Variants in LMLN observed in about 807,000 individuals in gnomAD.
LMLN encodes the protein leishmanolysin like peptidase, also known as leishmanolysin-like peptidase.
In LMLN, 70 loss-of-function variants were observed where a neutral mutation model predicts 92.3. That is an observed-to-expected ratio of 0.76 (90% CI 0.63 to 0.92). LMLN has a LOEUF of 0.92. Among genes scored for constraint, LMLN ranks in the 40% least tolerant of loss-of-function variants. LMLN has a pLI of 0.00. For synonymous variants in LMLN, 308 were observed against 296.2 expected, an observed-to-expected ratio of 1.04 and a Z score of -0.41; for missense variants, 691 against 814.6, an observed-to-expected ratio of 0.85 and a Z score of 1.85.
rs28686773 is a variant in LMLN at position 198,014,410 on chromosome 3, G to C, written c.1233-4843G>C. Reference sequence around the variant, plus strand: ...TGTATCCTTCAGAGCCCCCTAACTAGTCTGACTTCTCTCCACCCTTCAGAG... The same window carrying C: ...TGTATCCTTCAGAGCCCCCTAACTACTCTGACTTCTCTCCACCCTTCAGAG... On this transcript the variant is annotated intron_variant, in intron 11 of 15. Transcript: ENST00000330198. 9.2e-3 allele frequency among the ~76,000 whole-genome samples: 980 copies of C among 106,226 alleles called. 8 individuals are homozygous for C. Among genetic ancestry groups the C allele is most frequent in the African/African-American group, 0.038 (898 of 23,668 alleles). 69.7% of individuals were successfully genotyped at this position (106,226 alleles called of 152,430 possible). A position where few individuals can be genotyped will look rare whatever the true frequency, so the allele number is the denominator to read the frequency against.
intron 8 of LMLN, among the ~76,000 whole-genome samples, chr3:197,987,158 A>AT (rs772089146): frequency 0.013 from 1,045 of 77,602 alleles, 16 homozygotes; most frequent in East Asian, 0.071. Flanking sequence ...ATATGTTTGA[A>AT]TTTTTTTTTT....
chr3:197,984,132 T>A, intron 7 of LMLN, 84 bp downstream of exon 7: 1 of 813,744 alleles, frequency 1.2e-6, no homozygotes. Context: ...TATTCCACTT[T>A]AAGATGATGT....
At chr3:197,972,507 T>C (rs1186814679) in intron 1 of LMLN, among the ~76,000 whole-genome samples, 1 of 152,236 alleles carries the variant, frequency 6.6e-6, no homozygotes, top group Non-Finnish European at 1.5e-5. Context: ...TTTAAGTTCC[T>C]GAACACATTT....
At position 198,024,619 on chromosome 3, in the gene LMLN, A is replaced by G. The variant is rs1279724563; in HGVS notation, c.1526-39A>G. On this transcript the variant is annotated intron_variant, in intron 13 of 15. Transcript: ENST00000330198. The stretch of plus-strand genomic sequence containing the variant: ...GTTCAGTTTCTTGTTCTTTGAGCCA[A>G]AAGTCAATTTTTAAGGAGACTTTTC... 4 of 1,519,640 alleles carry G rather than the reference A, an allele frequency of 2.6e-6. No homozygotes were observed. The East Asian group carries it at 7.3e-5, about 28-fold the overall frequency. 94.1% of individuals were successfully genotyped at this position (1,519,640 alleles called of 1,614,324 possible). A position where few individuals can be genotyped will look rare whatever the true frequency, so the allele number is the denominator to read the frequency against.
chr3:197,962,646 ATCT>A (rs1299212783), intron 1 of LMLN, among the ~76,000 whole-genome samples: 1 of 152,172 alleles, frequency 6.6e-6, no homozygotes. Context: ...TTTCTAAGAA[ATCT>A]TTAAATACCC....
intron 14 of LMLN, among the ~76,000 whole-genome samples, chr3:198,027,767 C>T (rs1001441101): frequency 3.3e-5 from 5 of 152,168 alleles, no homozygotes; most frequent in African/African-American, 1.2e-4. Context: ...AGTTGATGGA[C>T]ACTTAGGTCG....
intron 8 of LMLN, among the ~76,000 whole-genome samples, chr3:197,988,173 G>A (rs1008314200): frequency 2.0e-5 from 3 of 148,372 alleles, no homozygotes; most frequent in Non-Finnish European, 3.0e-5. Flanking sequence ...TTTTTGAGAT[G>A]GAGTCTCACT....
chr3:198,029,182 C>T (rs1158995668), intron 14 of LMLN, among the ~76,000 whole-genome samples: 3 of 152,190 alleles, frequency 2.0e-5, no homozygotes, highest in African/African-American at 7.2e-5. Flanking sequence ...CTTTAGATTA[C>T]TCTCCTATTG....
chr3:198,011,327 T>C (rs1485185077), intron 11 of LMLN, among the ~76,000 whole-genome samples: 1 of 151,836 alleles, frequency 6.6e-6, no homozygotes, highest in East Asian at 1.9e-4. Context: ...CCTGTGTCCA[T>C]GTGTTCTCAT....
intron 11 of LMLN, among the ~76,000 whole-genome samples, chr3:198,003,474 A>T (rs1357382307): frequency 6.6e-6 from 1 of 152,144 alleles, no homozygotes; most frequent in Admixed American, 6.6e-5. Context: ...GCAAATATTG[A>T]TTCAGTATCA....
chr3:198,042,488 G>T lies in LMLN; in HGVS notation c.*3821G>T, dbSNP rs1209365644. On this transcript the variant is annotated 3_prime_UTR_variant, in exon 16 of 16. Transcript: ENST00000330198. The surrounding 1 kb of genome is among the most constrained non-coding windows in gnomAD (Gnocchi z 4.2). Reference sequence around the variant, plus strand: ...GCTGCAAAGTGAAGAAATTGAAATGGCCCACACGTTGATATCCTGTGGCAG... The same window carrying T: ...GCTGCAAAGTGAAGAAATTGAAATGTCCCACACGTTGATATCCTGTGGCAG... 6.6e-6 allele frequency: 1 copy of T among 152,138 alleles called. No homozygotes were observed. The highest frequency in any genetic ancestry group is 1.5e-5 in the Non-Finnish European group (1 of 68,016). The allele number at this position is 152,138 out of a possible 1,614,324, so 9.4% of individuals were successfully genotyped here.
chr3:197,962,222 T>G (rs1720923297), intron 1 of LMLN, among the ~76,000 whole-genome samples: 1 of 152,170 alleles, frequency 6.6e-6, no homozygotes. Context: ...CTTCGTGTAT[T>G]GAATGGAATT....
Position 197,986,581 on chromosome 3 carries a change from G to T in LMLN, c.929+691G>T, listed in dbSNP as rs1319909148. Among the ~76,000 whole-genome samples the T allele has an allele frequency of 7.2e-5, 11 of 152,320 alleles. No individual in the cohort carries two copies. In the East Asian group the frequency reaches 1.9e-3, roughly 27 times the overall value. ...GGGGAAACTGTTAATCTTGAAGTAT[G>T]AATGATAAAGAGAGATTGGAGTGAT... On this transcript the variant is annotated intron_variant, in intron 8 of 15. Coordinates refer to ENST00000330198, the Ensembl canonical transcript of LMLN.
chr3:197,983,675 C>T (rs71325650), intron 6 of LMLN, among the ~76,000 whole-genome samples: 75 of 152,116 alleles, frequency 4.9e-4, no homozygotes, highest in Non-Finnish European at 7.2e-4. Flanking sequence ...CCTTTCAGTT[C>T]GTTCTTTTTT....
At chr3:197,988,713 A>T (rs2109879762) in intron 8 of LMLN, among the ~76,000 whole-genome samples, 1 of 151,438 alleles carries the variant, frequency 6.6e-6, no homozygotes, top group Middle Eastern at 3.4e-3. Flanking sequence ...ATGGAGTCTC[A>T]CTCTGTTACC....
At chr3:198,032,912 T>TG (rs1723116216) in intron 14 of LMLN, among the ~76,000 whole-genome samples, 1 of 152,194 alleles carries the variant, frequency 6.6e-6, no homozygotes, top group Non-Finnish European at 1.5e-5. Context: ...AAACAGACGT[T>TG]TGTCTAATCC....
exon 16 of LMLN, chr3:198,038,593 G>A (rs1723301083): frequency 1.2e-6 from 2 of 1,614,008 alleles, no homozygotes; most frequent in African/African-American, 2.7e-5. Flanking sequence ...CTCGAGCCTG[G>A]TGGTCACCCT....
intron 3 of LMLN, 31 bp from the exon 4 acceptor site, chr3:197,975,998 C>T: frequency 1.6e-6 from 2 of 1,265,548 alleles, no homozygotes; most frequent in Non-Finnish European, 2.2e-6. Flanking sequence ...CCTTATAATT[C>T]TGTTTCTTTT....
exon 16 of LMLN, chr3:198,038,884 ATCAGCAACCCAACCACCTCG>A (rs138895703): frequency 0.12 from 44,456 of 383,492 alleles, 7,895 homozygotes; most frequent in African/African-American, 0.54. Flanking sequence ...AACCACCTTC[ATCAGCAACCCAACCACCTCG>A]TCAGCAACCC....
Sources: allele counts gnomAD v4.1 joint callset (sites outside exome capture counted in the v4.1 genomes callset), GRCh38; gene constraint gnomAD v4.1.1; non-coding constraint Gnocchi (gnomAD v3.1); transcripts MANE v1.5; gene names NCBI Gene and HGNC (gene_info 2026-07-23, HGNC 2026-07-21).